Variants in RPS6KC1 observed in about 807,000 individuals in gnomAD.
RPS6KC1 encodes inactive ribosomal protein S6 kinase delta-1.
A neutral mutation model predicts 103.8 loss-of-function variants in RPS6KC1; 54 were observed. That is an observed-to-expected ratio of 0.52 (90% CI 0.42 to 0.65). The LOEUF (loss-of-function observed/expected upper bound fraction) is 0.65. Ranked by LOEUF, RPS6KC1 falls within the 30% of genes least tolerant of loss-of-function variation. The pLI is 0.00. For missense variants in RPS6KC1, 1,151 were observed against 1,253.8 expected (o/e 0.92, Z 1.24); for synonymous variants, 439 against 438.7 (o/e 1.00, Z -0.01).
chr1:213,112,555 T>TTTTA (rs901238415), intron 4 of RPS6KC1, among the ~76,000 whole-genome samples: 6 of 151,462 alleles, frequency 4.0e-5, no homozygotes, highest in South Asian at 2.1e-4. Context: ...TTTTTTTTAT[T>TTTTA]TTTATTTATT....
At chr1:213,522,256 C>CT in the RPS6KC1 span, among the ~76,000 whole-genome samples, 13 of 152,280 alleles carry the variant, frequency 8.5e-5, no homozygotes, top group African/African-American at 2.9e-4. Context: ...AAAAGACTCT[C>CT]TTTTTTCCTG....
chr1:213,408,093 C>A, the RPS6KC1 span, among the ~76,000 whole-genome samples: 1 of 152,240 alleles, frequency 6.6e-6, no homozygotes, highest in South Asian at 2.1e-4. Context: ...GACATTCATT[C>A]TTCTGTCCTT....
intron 5 of RPS6KC1, among the ~76,000 whole-genome samples, chr1:213,128,477 T>C (rs1558376320): frequency 6.6e-6 from 1 of 152,148 alleles, no homozygotes; most frequent in African/African-American, 2.4e-5. Flanking sequence ...TTGAAGAATA[T>C]AAAAGGCTGT....
the RPS6KC1 span, among the ~76,000 whole-genome samples, chr1:213,836,697 C>T: frequency 1.3e-5 from 2 of 152,054 alleles, no homozygotes; most frequent in South Asian, 4.2e-4. Flanking sequence ...GAAATAATAC[C>T]TACTATTGCC....
chr1:213,707,310 C>CTT, the RPS6KC1 span, among the ~76,000 whole-genome samples: 6 of 152,222 alleles, frequency 3.9e-5, no homozygotes, highest in East Asian at 1.2e-3. Context: ...TGATGATGAG[C>CTT]TTTTTTTCAT....
At chr1:213,639,015 T>C in the RPS6KC1 span, among the ~76,000 whole-genome samples, 1 of 152,122 alleles carries the variant, frequency 6.6e-6, no homozygotes, top group African/African-American at 2.4e-5. Flanking sequence ...TTATGTCCTC[T>C]TTGATTTCTT....
At chr1:213,417,682 T>A in the RPS6KC1 span, among the ~76,000 whole-genome samples, 53 of 151,870 alleles carry the variant, frequency 3.5e-4, 1 homozygote, top group African/African-American at 1.2e-3. Context: ...GCAGGGTGGG[T>A]CAAGTAAAGT....
chr1:213,554,609 G>T, the RPS6KC1 span, among the ~76,000 whole-genome samples: 3 of 152,136 alleles, frequency 2.0e-5, no homozygotes, highest in African/African-American at 4.8e-5. Flanking sequence ...GGAATTCTCA[G>T]CAACCACCTT....
At chr1:213,072,730 A>G (rs2148480913) in intron 2 of RPS6KC1, 1 of 152,648 alleles carries the variant, frequency 6.6e-6, no homozygotes, top group South Asian at 2.1e-4. Flanking sequence ...TTCTGTCTTT[A>G]CTTGTATCAA....
chr1:213,403,763 T>C, the RPS6KC1 span, among the ~76,000 whole-genome samples: 2 of 152,116 alleles, frequency 1.3e-5, no homozygotes, highest in Non-Finnish European at 2.9e-5. Context: ...AACACTTATC[T>C]GGGGGAAAAG....
the RPS6KC1 span, among the ~76,000 whole-genome samples, chr1:213,557,480 G>A: frequency 1.8e-4 from 27 of 152,298 alleles, no homozygotes; most frequent in Admixed American, 1.5e-3. Context: ...GGAAGAAGAG[G>A]CAGGATGGGA....
the RPS6KC1 span, among the ~76,000 whole-genome samples, chr1:213,622,956 A>C: frequency 1.0e-2 from 1,522 of 152,234 alleles, 25 homozygotes; most frequent in African/African-American, 0.034. Flanking sequence ...GCGAGGCCAG[A>C]CAGCAGCTCA....
At chr1:213,327,744 T>C in the RPS6KC1 span, among the ~76,000 whole-genome samples, 2 of 152,182 alleles carry the variant, frequency 1.3e-5, no homozygotes, top group Non-Finnish European at 2.9e-5. Context: ...GAGAGGTAAC[T>C]TTTCTAATAC....
the RPS6KC1 span, among the ~76,000 whole-genome samples, chr1:213,450,749 G>C: frequency 6.6e-6 from 1 of 152,186 alleles, no homozygotes; most frequent in Non-Finnish European, 1.5e-5. Context: ...GCCGAGGCAG[G>C]TGGATCACCT....
the RPS6KC1 span, among the ~76,000 whole-genome samples, chr1:213,354,500 C>T: frequency 4.6e-5 from 7 of 152,160 alleles, no homozygotes; most frequent in Non-Finnish European, 8.8e-5. Flanking sequence ...CACTAAGGGC[C>T]ATTTTCCATT....
the RPS6KC1 span, among the ~76,000 whole-genome samples, chr1:213,561,145 C>T: frequency 1.3e-5 from 2 of 152,184 alleles, no homozygotes; most frequent in African/African-American, 2.4e-5. Context: ...TACGTCTACT[C>T]GGGTATTATC....
chr1:213,321,277 C>T, the RPS6KC1 span, among the ~76,000 whole-genome samples: 1 of 152,180 alleles, frequency 6.6e-6, no homozygotes, highest in African/African-American at 2.4e-5. Context: ...TCTGAATCAT[C>T]TGAGACCTTA....
chr1:213,218,174 A>C lies in RPS6KC1; in HGVS notation c.1045-12323A>C, dbSNP rs867974547. On this transcript the variant is annotated intron_variant, in intron 8 of 14. Transcript: ENST00000366960. Reference sequence around the variant, plus strand: ...TTAAACTGATAAGCAACTTCAGCAAAGTCTCAGGATACAAAATCAATGTGC... The same window carrying C: ...TTAAACTGATAAGCAACTTCAGCAACGTCTCAGGATACAAAATCAATGTGC... Among the ~76,000 whole-genome samples the C allele has an allele frequency of 4.4e-3, 663 of 152,326 alleles. 4 individuals are homozygous for C. Among genetic ancestry groups the C allele is most frequent in the African/African-American group, 0.015 (639 of 41,562 alleles).
chr1:213,721,620 T>C, the RPS6KC1 span, among the ~76,000 whole-genome samples: 18 of 152,284 alleles, frequency 1.2e-4, no homozygotes, highest in East Asian at 3.3e-3. Context: ...CAGACTAATA[T>C]ACCATGTCAT....
Sources: allele counts gnomAD v4.1 joint callset (sites outside exome capture counted in the v4.1 genomes callset), GRCh38; gene constraint gnomAD v4.1.1; transcripts MANE v1.5; gene names NCBI Gene and HGNC (gene_info 2026-07-23, HGNC 2026-07-21).